The following BDP1 variants were observed in gnomAD, a reference collection of about 807,000 sequenced individuals.
BDP1 encodes the protein transcription factor TFIIIB component B'' homolog.
Under a neutral mutation model 266.6 loss-of-function variants are expected in BDP1, and 169 were observed. That is an observed-to-expected ratio of 0.63 (90% CI 0.56 to 0.72). BDP1 has a LOEUF of 0.72. Among genes scored for constraint, BDP1 ranks in the 30% least tolerant of loss-of-function variants. BDP1 has a pLI of 0.00. For synonymous variants in BDP1, 1,090 were observed against 1,022.4 expected (o/e 1.07, Z -1.26); for missense variants, 3,015 against 3,053.8 (o/e 0.99, Z 0.30).
In BDP1 at chr5:71,512,246, T is replaced by G. The variant is rs201913129; in HGVS notation, c.4065T>G (p.Ile1355Met). 77 of 1,477,158 alleles carry G rather than the reference T, an allele frequency of 5.2e-5. No homozygotes were observed. Among genetic ancestry groups the G allele is most frequent in the Non-Finnish European group, 1.1e-5 (12 of 1,114,530 alleles). The allele number at this position is 1,477,158 out of a possible 1,614,324, so 91.5% of individuals were successfully genotyped here. A position where few individuals can be genotyped will look rare whatever the true frequency, so the allele number is the denominator to read the frequency against. The change falls in exon 18 of 39, where the codon ATT becomes ATG. Residue 1355 changes from isoleucine to methionine, a missense_variant. This residue lies in a region of BDP1 where 2,383 missense variants were observed against 2,404.9 expected (regional missense o/e 0.99). Transcript: ENST00000358731. ...TACTATGACTGTTCCTCTAGAACAT[T>G]AGCAGTGAAGTACTGTCGATGATGC... ...SAVPSLDIQN[I>M]SSEVLSMMHT...
chr5:71,524,977 AAGGC>A (rs1465453593), intron 25 of BDP1, among the ~76,000 whole-genome samples: 2 of 151,664 alleles, frequency 1.3e-5, no homozygotes, highest in Admixed American at 1.3e-4. Flanking sequence ...ACAGGATCCC[AAGGC>A]AGAAGAATTT....
intron 3 of BDP1, among the ~76,000 whole-genome samples, chr5:71,462,309 T>C (rs960487403): frequency 1.3e-5 from 2 of 152,218 alleles, no homozygotes; most frequent in Non-Finnish European, 1.5e-5. Context: ...ATAGCACTTT[T>C]ATAGTAAATT....
chr5:71,538,241 A>G (rs1276260787), intron 26 of BDP1, among the ~76,000 whole-genome samples: 2 of 152,138 alleles, frequency 1.3e-5, no homozygotes, highest in Non-Finnish European at 2.9e-5. Flanking sequence ...TTTTATGTCC[A>G]TATTCATAAT....
chr5:71,511,531 C>T (rs926413652), intron 17 of BDP1, among the ~76,000 whole-genome samples: 1 of 152,018 alleles, frequency 6.6e-6, no homozygotes, highest in African/African-American at 2.4e-5. Context: ...CCTGTAGTCC[C>T]AGCTACTTGG....
At chr5:71,464,209 ATTGGGG>A in intron 4 of BDP1, 92 bp downstream of exon 4, 1 of 810,922 alleles carries the variant, frequency 1.2e-6, no homozygotes, top group South Asian at 2.0e-5. Context: ...ATTACATTTG[ATTGGGG>A]TTGGGCACAG....
At chr5:71,561,333 G>A (rs1050865802) in intron 37 of BDP1, among the ~76,000 whole-genome samples, 2 of 150,734 alleles carry the variant, frequency 1.3e-5, no homozygotes, top group Non-Finnish European at 3.0e-5. Context: ...CCCAGGAGGC[G>A]GAGGGTGCGG....
At chr5:71,531,075 A>G (rs1766214838) in intron 25 of BDP1, among the ~76,000 whole-genome samples, 1 of 151,228 alleles carries the variant, frequency 6.6e-6, no homozygotes, top group Non-Finnish European at 1.5e-5. Context: ...CTTTGTCTCA[A>G]AAAAAAAATA....
At chr5:71,497,162 T>C in intron 12 of BDP1, 108 bp from the exon 13 acceptor site, 1 of 939,632 alleles carries the variant, frequency 1.1e-6, no homozygotes, top group Non-Finnish European at 1.6e-6. Context: ...ACTCTTGTTC[T>C]AAGTAAGCTC....
Position 71,501,639 on chromosome 5 carries a change from T to C in BDP1, c.2034T>C (p.Ala678=). The change falls in exon 14 of 39, where the codon GCT becomes GCC. Residue 678 remains alanine (A), a synonymous_variant. Coordinates refer to ENST00000358731, the MANE Select transcript of BDP1 (RefSeq NM_018429.3). ...CTACAGAGAGAGAGAATCCAGAAGC[T>C]GAAACTGTATCTGTGTGAGTATTCA... is the stretch of plus-strand genomic sequence containing the variant. ...METTERENPE[A]ETVSVLGEKN... 6.7e-7 allele frequency: 1 copy of C among 1,501,290 alleles called. No homozygotes were observed. 93.0% of individuals were successfully genotyped at this position (1,501,290 alleles called of 1,614,324 possible).
chr5:71,499,451 T>C (rs1014512018), intron 13 of BDP1, among the ~76,000 whole-genome samples: 1 of 152,130 alleles, frequency 6.6e-6, no homozygotes, highest in African/African-American at 2.4e-5. Flanking sequence ...ATCCCATCTC[T>C]ACTAAAAATA....
chr5:71,467,100 C>G (rs1761952039), intron 5 of BDP1, among the ~76,000 whole-genome samples: 1 of 151,984 alleles, frequency 6.6e-6, no homozygotes, highest in South Asian at 2.1e-4. Context: ...AATACGTAGC[C>G]CAAAGATGTT....
intron 7 of BDP1, among the ~76,000 whole-genome samples, chr5:71,473,712 G>A (rs1027616087): frequency 2.0e-5 from 3 of 151,688 alleles, no homozygotes; most frequent in Non-Finnish European, 4.4e-5. Flanking sequence ...AAGTTTTAGG[G>A]TACATGTGCA....
chr5:71,489,524 T>C lies in BDP1; in HGVS notation c.1334T>C (p.Leu445Ser), dbSNP rs1167758838. 12 of 1,613,958 alleles carry C rather than the reference T, an allele frequency of 7.4e-6. No homozygotes were observed. Among genetic ancestry groups the C allele is most frequent in the South Asian group, 1.1e-5 (1 of 91,084 alleles). Residue 445 changes from leucine (L) to serine (S), a missense_variant, in exon 10 of 39, where the codon TTA (leucine) becomes TCA (serine). This residue lies in a region of BDP1 where 2,383 missense variants were observed against 2,404.9 expected (regional missense o/e 0.99). Transcript: ENST00000358731. Reference protein sequence around the residue: ...AQTVEEESLTLSREDAEQVAL... With the variant: ...AQTVEEESLTSSREDAEQVAL... ...ACAGTTGAAGAAGAGTCTCTGACCT[T>C]ATCAAGGGAGGATGCAGAGCAGGTT... is the stretch of plus-strand genomic sequence containing the variant.
chr5:71,545,458 A>G lies in BDP1; in HGVS notation c.6744+239A>G. ...CAGATTCTCCTGCCTCAGCCTGCCA[A>G]GTAGCTGGGACTACAGGCATGTGTC... On this transcript the variant is annotated intron_variant, in intron 32 of 38. Transcript: ENST00000358731. 2.0e-6 allele frequency: 1 copy of G among 495,438 alleles called. No homozygotes were observed. The highest frequency in any genetic ancestry group is 3.5e-6 in the Non-Finnish European group (1 of 286,300). The allele number at this position is 495,438 out of a possible 1,614,324, so 30.7% of individuals were successfully genotyped here.
At chr5:71,516,435 G>C (rs1235663243) in intron 21 of BDP1, among the ~76,000 whole-genome samples, 164 bp downstream of exon 21, 1 of 151,672 alleles carries the variant, frequency 6.6e-6, no homozygotes, top group Admixed American at 6.6e-5. Flanking sequence ...TTTTTTTTAA[G>C]TGAAAATAGA....
intron 16 of BDP1, among the ~76,000 whole-genome samples, chr5:71,506,786 A>AAC (rs70992971): frequency 0.058 from 3,736 of 64,398 alleles, 90 homozygotes; most frequent in African/African-American, 0.074. Context: ...ATATATTTGA[A>AAC]ACACACACAC....
chr5:71,562,720 C>G, intron 38 of BDP1, 200 bp downstream of exon 38: 1 of 1,479,974 alleles, frequency 6.8e-7, no homozygotes, highest in Non-Finnish European at 9.0e-7. Flanking sequence ...TAGATTAGTA[C>G]AGAGCCATTG....
rs537878164 is a variant in BDP1 at position 71,504,632 on chromosome 5, C to T, written c.2253C>T (p.His751=). 1.2e-4 allele frequency: 196 copies of T among 1,613,116 alleles called. 5 individuals carry two copies. In the South Asian group the frequency reaches 2.1e-3, roughly 17 times the overall value. The part of the protein sequence containing the change: ...ESCADRDTPQ[H]MEDQSRKDFE... ...TGTTTGTTTTTAAGACTCCTCAACACATGGAAGATCAATCGCGTAAAGATT... is the reference window on the plus strand; with the variant it reads ...TGTTTGTTTTTAAGACTCCTCAACATATGGAAGATCAATCGCGTAAAGATT... Residue 751 remains histidine (H), a synonymous_variant, in exon 16 of 39, where the codon CAC becomes CAT. Transcript: ENST00000358731.
intron 16 of BDP1, among the ~76,000 whole-genome samples, chr5:71,508,660 G>A (rs1395482508): frequency 6.6e-6 from 1 of 152,056 alleles, no homozygotes; most frequent in Non-Finnish European, 1.5e-5. Flanking sequence ...ACAATCTAGT[G>A]TTTCATTTGA....
Sources: gnomAD v4.1 joint callset for allele counts (sites outside exome capture counted in the v4.1 genomes callset) on GRCh38, gnomAD v4.1.1 for gene constraint, gnomAD v4.1.1 regional missense constraint, MANE v1.5 for transcripts, NCBI Gene and HGNC (gene_info 2026-07-23, HGNC 2026-07-21) for gene names.